Variants in AKNA observed in about 807,000 individuals in gnomAD.
AKNA encodes microtubule organization protein AKNA.
Under a neutral mutation model 138.8 loss-of-function variants are expected in AKNA, and 67 were observed. The ratio of observed to expected loss-of-function variants is 0.48; its 90% confidence interval spans 0.40 to 0.59. The LOEUF (loss-of-function observed/expected upper bound fraction) is 0.59. Among genes scored for constraint, AKNA ranks in the 20% least tolerant of loss-of-function variants. The pLI is 0.00. For synonymous variants in AKNA, 737 were observed against 754.4 expected (o/e 0.98, Z 0.38); for missense variants, 1,813 against 1,880.4 (o/e 0.96, Z 0.66).
At chr9:114,345,019 T>C (rs1056511050) in intron 18 of AKNA, 1 of 151,816 alleles carries the variant, frequency 6.6e-6, no homozygotes, top group Non-Finnish European at 1.5e-5. Flanking sequence ...GGTTATCATC[T>C]TCTCTGCTAC....
rs1833626794 is a variant in AKNA, at chr9:114,381,060, C to T, written c.274G>A (p.Glu92Lys). 6.4e-7 allele frequency: 1 copy of T among 1,553,222 alleles called. No homozygotes were observed. Among genetic ancestry groups the T allele is most frequent in the African/African-American group, 1.4e-5 (1 of 72,850 alleles). Residue 92 changes from glutamate to lysine, a missense_variant and splice_region_variant, in exon 2 of 22, where the codon GAG becomes AAG. Transcript: ENST00000374088. ...GTAGGGGGAGGGGTGTCAGTCTCAC[C>T]TTCTCCCGAAGTCTCTCCTGACTCG... ...DSESGETSGE[E>K]AEAEDVDSPA...
chr9:114,377,305 C>T lies in AKNA; in HGVS notation c.502G>A (p.Ala168Thr). ...TSPMALGHGQ[A>T]RGWVASGEQA... ...TCGCCAGAAGCCACCCAGCCCCTGGCCTGACCATGCCCAAGAGCCATGGGG... is the reference window on the plus strand; with the variant it reads ...TCGCCAGAAGCCACCCAGCCCCTGGTCTGACCATGCCCAAGAGCCATGGGG... The change falls in exon 3 of 22, where the codon GCC becomes ACC. Residue 168 changes from alanine to threonine, a missense_variant. Coordinates refer to ENST00000374088, the MANE Select transcript of AKNA (RefSeq NM_001317950.2). 1.2e-6 allele frequency: 2 copies of T among 1,614,154 alleles called. No homozygotes were observed. Among genetic ancestry groups the T allele is most frequent in the Non-Finnish European group, 1.7e-6 (2 of 1,180,012 alleles).
upstream of AKNA, among the ~76,000 whole-genome samples, chr9:114,394,609 G>A (rs1445380611): frequency 1.3e-5 from 2 of 152,230 alleles, no homozygotes; most frequent in African/African-American, 4.8e-5. Flanking sequence ...TCAGCGCCCA[G>A]CCTCAGCCAC....
chr9:114,360,447 C>T (rs569283394), intron 9 of AKNA, among the ~76,000 whole-genome samples: 1 of 152,172 alleles, frequency 6.6e-6, no homozygotes, highest in Non-Finnish European at 1.5e-5. Context: ...ACTCTCCTGA[C>T]CCCCATCCAT....
In AKNA at chr9:114,370,567, G is replaced by A. The variant is rs113011777; in HGVS notation, c.1417-1972C>T. ...TGGGGGTGGCAGCTGCAGCTGCTCC[G>A]GCCAGGCCCTCCCAGGGCTGGTCTC... On this transcript the variant is annotated intron_variant, in intron 4 of 21. Coordinates refer to ENST00000374088, the MANE Select transcript of AKNA (RefSeq NM_001317950.2). Among the ~76,000 whole-genome samples, 1,307 of 152,286 alleles carry A rather than the reference G, an allele frequency of 8.6e-3. 11 individuals carry two copies. Among genetic ancestry groups the A allele is most frequent in the Non-Finnish European group, 0.013 (867 of 68,014 alleles).
chr9:114,359,854 G>C (rs771107202), intron 10 of AKNA, 42 bp downstream of exon 10: 56 of 1,613,608 alleles, frequency 3.5e-5, no homozygotes, highest in Admixed American at 2.0e-4. Flanking sequence ...CCAAGATCCA[G>C]CTGCTGGCCA....
At chr9:114,374,970 A>G (rs1364177702) in intron 3 of AKNA, among the ~76,000 whole-genome samples, 4 of 152,232 alleles carry the variant, frequency 2.6e-5, no homozygotes, top group Non-Finnish European at 4.4e-5. Context: ...TTAGCATACT[A>G]CCACTTTGTC....
At chr9:114,373,982 C>A in intron 4 of AKNA, 111 bp downstream of exon 4, 7 of 1,110,438 alleles carry the variant, frequency 6.3e-6, no homozygotes, top group Non-Finnish European at 3.8e-6. Context: ...GTTCCACTAT[C>A]TCCAGGGCCT....
At chr9:114,388,555 C>T (rs945636759), upstream of AKNA, among the ~76,000 whole-genome samples, 7 of 152,198 alleles carry the variant, frequency 4.6e-5, no homozygotes, top group Non-Finnish European at 8.8e-5. Context: ...GTGGGATGTT[C>T]GGGGCAGCAT....
At chr9:114,331,598 G>T (rs745871164), downstream of AKNA, 1 of 1,614,006 alleles carries the variant, frequency 6.2e-7, no homozygotes, top group East Asian at 2.2e-5. Flanking sequence ...CTCACCTGCT[G>T]TTCCTTAGGG....
At chr9:114,386,439 C>G (rs1834037677) in intron 1 of AKNA, among the ~76,000 whole-genome samples, 1 of 152,168 alleles carries the variant, frequency 6.6e-6, no homozygotes, top group South Asian at 2.1e-4. Flanking sequence ...TGAAGGAGAG[C>G]TATGGGCAGG....
rs1281303124 is a variant in AKNA at position 114,377,524 on chromosome 9, C to A, written c.283G>T (p.Ala95Ser). Reference sequence around the variant, plus strand: ...CTTGCTGGGCTGTCCACATCCTCTGCTTCAGCCTCTGGAAAGACAGGCCAT... The same window carrying A: ...CTTGCTGGGCTGTCCACATCCTCTGATTCAGCCTCTGGAAAGACAGGCCAT... ...SGETSGEEAE[A>S]EDVDSPASSH... Residue 95 changes from alanine (A) to serine (S), a missense_variant, in exon 3 of 22, where the codon GCA becomes TCA. Physicochemically the swap from Ala to Ser is moderately conservative, Grantham distance 99. Coordinates refer to ENST00000374088, the MANE Select transcript of AKNA (RefSeq NM_001317950.2). 3 of 1,595,072 alleles carry A rather than the reference C, an allele frequency of 1.9e-6. No homozygotes were observed. Among genetic ancestry groups the A allele is most frequent in the Non-Finnish European group, 2.6e-6 (3 of 1,170,706 alleles).
rs546413062 is a variant in AKNA at position 114,336,729 on chromosome 9, A to G, written c.*325T>C. 2 of 329,678 alleles carry G rather than the reference A, an allele frequency of 6.1e-6. No homozygotes were observed. Among genetic ancestry groups the G allele is most frequent in the South Asian group, 1.5e-4 (1 of 6,674 alleles). 20.4% of individuals were successfully genotyped at this position (329,678 alleles called of 1,614,324 possible). ...AAAAAATATCTGTCCATCTGTATAT[A>G]AAATACCTATTATTAGCTGGAGTTG... On this transcript the variant is annotated 3_prime_UTR_variant, in exon 22 of 22. Transcript: ENST00000374088.
At chr9:114,343,501 T>C (rs1025680493) in intron 19 of AKNA, among the ~76,000 whole-genome samples, 1 of 152,126 alleles carries the variant, frequency 6.6e-6, no homozygotes, top group African/African-American at 2.4e-5. Context: ...AGGAACTTCT[T>C]AAATCAAGGA....
chr9:114,339,416 A>G (rs767668996), intron 21 of AKNA, among the ~76,000 whole-genome samples: 44 of 152,232 alleles, frequency 2.9e-4, no homozygotes, highest in Non-Finnish European at 5.1e-4. Context: ...TAGAAGCACC[A>G]TCATTATTGG....
chr9:114,348,189 A>C (rs1830834001), intron 15 of AKNA, among the ~76,000 whole-genome samples: 1 of 152,158 alleles, frequency 6.6e-6, no homozygotes, highest in Non-Finnish European at 1.5e-5. Context: ...ACCAGTGACA[A>C]ATTCTCGAGA....
In AKNA at chr9:114,343,788, A is replaced by G. The variant is rs1830509018; in HGVS notation, c.3677T>C (p.Val1226Ala). 1 of 1,609,482 alleles carries G rather than the reference A, an allele frequency of 6.2e-7. No individual in the cohort carries two copies. Reference sequence around the variant, plus strand: ...TTTTGGGACCGCCTTAGGGGACAGAACATGGTATTCGTGGCCTGGGGAAAG... The same window carrying G: ...TTTTGGGACCGCCTTAGGGGACAGAGCATGGTATTCGTGGCCTGGGGAAAG... ...RGQYTGHEYH[V>A]LSPKAVPKGN... is the part of the protein sequence containing the mutation. Residue 1226 changes from valine (V) to alanine (A), a missense_variant, in exon 19 of 22, where the codon GTT becomes GCT. Coordinates refer to ENST00000374088, the MANE Select transcript of AKNA (RefSeq NM_001317950.2).
rs779270404 is a variant in AKNA, at chr9:114,341,576, A to G, written c.4024T>C (p.Tyr1342His). 1 of 1,614,094 alleles carries G rather than the reference A, an allele frequency of 6.2e-7. No homozygotes were observed. The highest frequency in any genetic ancestry group is 1.1e-5 in the South Asian group (1 of 91,088). ...GGCATGATGGGAACCGAGGAGATGTAGGCAAAGGCTGGAGGGGCTGGTGCT... is the reference window on the plus strand; with the variant it reads ...GGCATGATGGGAACCGAGGAGATGTGGGCAAAGGCTGGAGGGGCTGGTGCT... ...PPAPAPPAFA[Y>H]ISSVPIMPYP... The change falls in exon 21 of 22, where the codon TAC becomes CAC. Residue 1342 changes from tyrosine (Y) to histidine (H), a missense_variant. Coordinates refer to ENST00000374088, the MANE Select transcript of AKNA (RefSeq NM_001317950.2).
chr9:114,378,390 T>C (rs1243986526), intron 2 of AKNA, among the ~76,000 whole-genome samples: 1 of 152,248 alleles, frequency 6.6e-6, no homozygotes, highest in Non-Finnish European at 1.5e-5. Flanking sequence ...GTAACACTTA[T>C]CATAGCAGCA....
Sources: gnomAD v4.1 joint callset for allele counts (sites outside exome capture counted in the v4.1 genomes callset) on GRCh38, gnomAD v4.1.1 for gene constraint, MANE v1.5 for transcripts, NCBI Gene and HGNC (gene_info 2026-07-23, HGNC 2026-07-21) for gene names.